AKAP13: variants seen among roughly 807,000 people sequenced by gnomAD.
The protein encoded by AKAP13 is A-kinase anchor protein 13.
AKAP13 carries 80 observed loss-of-function variants against 264.5 expected under a neutral mutation model. The ratio of observed to expected loss-of-function variants is 0.30; its 90% CI spans 0.25 to 0.36. The LOEUF (loss-of-function observed/expected upper bound fraction) is 0.36, where lower values mean the gene tolerates loss of function less well. AKAP13 is among the 10% of genes least tolerant of loss of function. The pLI, the probability that AKAP13 is intolerant of heterozygous loss-of-function variation, is 1.00. For synonymous variants in AKAP13, 1,380 were observed against 1,250.2 expected (o/e 1.10, Z -2.19); for missense variants, 3,712 against 3,435.2 (o/e 1.08, Z -2.01).
chr15:85,634,896 A>G (rs1417392010), intron 8 of AKAP13, among the ~76,000 whole-genome samples: 1 of 148,956 alleles, frequency 6.7e-6, no homozygotes, highest in Non-Finnish European at 1.5e-5. Context: ...TGTTGTTTGT[A>G]TCAGCAGTTC....
chr15:85,703,286 TA>T (rs1342004747), intron 17 of AKAP13, among the ~76,000 whole-genome samples: 2 of 152,180 alleles, frequency 1.3e-5, no homozygotes, highest in Non-Finnish European at 2.9e-5. Flanking sequence ...AAAAGGAAGG[TA>T]AAAAAAGACC....
At position 85,509,705 on chromosome 15, in the gene AKAP13, G is replaced by A. The variant is rs759032670; in HGVS notation, c.34-11723G>A. 1.8e-4 allele frequency among the ~76,000 whole-genome samples: 27 copies of A among 152,222 alleles called. 1 individual carries two copies. Among genetic ancestry groups the A allele is most frequent in the South Asian group, 6.2e-4 (3 of 4,812 alleles). On this transcript the variant is annotated intron_variant, in intron 2 of 36. Coordinates refer to ENST00000394518, the MANE Select transcript of AKAP13 (RefSeq NM_007200.5). ...GATATTCTCCTTTTGAATGAATTCC[G>A]ATGTAAGGAAGGCCAAGGGATAGCA...
chr15:85,528,271 A>C (rs1396638498), intron 3 of AKAP13, among the ~76,000 whole-genome samples: 1 of 152,194 alleles, frequency 6.6e-6, no homozygotes, highest in Admixed American at 6.5e-5. Flanking sequence ...GAGGGTCATC[A>C]GTAGTTAAGT....
intron 33 of AKAP13, among the ~76,000 whole-genome samples, 168 bp from the exon 34 acceptor site, chr15:85,740,054 T>C (rs373684104): frequency 5.9e-5 from 9 of 152,336 alleles, no homozygotes; most frequent in African/African-American, 2.2e-4. Flanking sequence ...TCTTGGCTGC[T>C]GGTGCTCACT....
intron 13 of AKAP13, among the ~76,000 whole-genome samples, chr15:85,666,507 A>G (rs996028790): frequency 6.6e-6 from 1 of 152,058 alleles, no homozygotes; most frequent in African/African-American, 2.4e-5. Context: ...AATTCTTAAG[A>G]GAGCATCTAT....
In AKAP13 at chr15:85,665,296, G is replaced by C. The variant is rs989420716; in HGVS notation, c.4992+541G>C. Among the ~76,000 whole-genome samples the C allele has an allele frequency of 2.0e-5, 3 of 152,188 alleles. No homozygotes were observed. In the East Asian group the frequency reaches 5.8e-4, roughly 29 times the overall value. ...CTTTTTAAAATTAGGAAAGTATCCA[G>C]GATATTAAATTGAGTTTTTCCTTCT... On this transcript the variant is annotated intron_variant, in intron 13 of 36. Coordinates refer to ENST00000394518, the MANE Select transcript of AKAP13 (RefSeq NM_007200.5).
intron 3 of AKAP13, among the ~76,000 whole-genome samples, chr15:85,527,124 G>A (rs1226819064): frequency 3.3e-5 from 5 of 151,978 alleles, no homozygotes; most frequent in South Asian, 2.1e-4. Context: ...CACCACGCCC[G>A]GCTAAGTTTT....
At chr15:85,460,875 G>A (rs943444510) in intron 1 of AKAP13, among the ~76,000 whole-genome samples, 2 of 152,076 alleles carry the variant, frequency 1.3e-5, no homozygotes, top group African/African-American at 4.8e-5. Flanking sequence ...AAGGAATGTA[G>A]CTCAGATGGC....
In AKAP13 at chr15:85,744,849, G is replaced by A. The variant is rs2089321172; in HGVS notation, c.*172G>A. ...AAGCAACAGATGATATTGAGTGTCG[G>A]GTGGGGAAGGAGGCCCAGACTCTGC... On this transcript the variant is annotated 3_prime_UTR_variant, in exon 37 of 37. Coordinates refer to ENST00000394518, the MANE Select transcript of AKAP13 (RefSeq NM_007200.5). 1 of 559,610 alleles carries A rather than the reference G, an allele frequency of 1.8e-6. No individual in the cohort carries two copies. The highest frequency in any genetic ancestry group is 3.3e-5 in the East Asian group (1 of 30,636). The allele number at this position is 559,610 out of a possible 1,614,324, so 34.7% of individuals were successfully genotyped here. A position where few individuals can be genotyped will look rare whatever the true frequency, so the allele number is the denominator to read the frequency against.
intron 12 of AKAP13, 90 bp downstream of exon 12, chr15:85,658,680 C>A: frequency 8.6e-7 from 1 of 1,164,500 alleles, no homozygotes; most frequent in Non-Finnish European, 1.2e-6. Context: ...ATGATTGGAT[C>A]ATCTACTTTT....
chr15:85,575,655 G>A, intron 6 of AKAP13, among the ~76,000 whole-genome samples: 1 of 151,978 alleles, frequency 6.6e-6, no homozygotes, highest in East Asian at 1.9e-4. Flanking sequence ...TCACGCCATT[G>A]CACTCTAGCC....
chr15:85,726,921 A>G (rs899898612), intron 27 of AKAP13, 145 bp from the exon 28 acceptor site: 17 of 796,020 alleles, frequency 2.1e-5, no homozygotes, highest in Non-Finnish European at 4.0e-6. Flanking sequence ...AAATAAGGAG[A>G]TACTTCTCTT....
chr15:85,622,024 C>T (rs936130897), intron 8 of AKAP13, among the ~76,000 whole-genome samples: 28 of 152,062 alleles, frequency 1.8e-4, no homozygotes, highest in Admixed American at 1.3e-4. Flanking sequence ...AAGATGGGGA[C>T]GTTTGGTGTT....
Position 85,493,996 on chromosome 15 carries a change from G to T in AKAP13, c.33+8243G>T, listed in dbSNP as rs149300899. On this transcript the variant is annotated intron_variant, in intron 2 of 36. Coordinates refer to ENST00000394518, the MANE Select transcript of AKAP13 (RefSeq NM_007200.5). ...TTAGCCCTTTCACCTATATTCAAGG[G>T]TACACCTTGCGCAGAACAAGGGTAC... is the stretch of plus-strand genomic sequence containing the variant. Among the ~76,000 whole-genome samples the T allele has an allele frequency of 7.3e-3, 1,110 of 152,194 alleles. 9 individuals carry two copies. Among genetic ancestry groups the T allele is most frequent in the Non-Finnish European group, 0.013 (869 of 68,006 alleles).
rs979445321 is a variant in AKAP13 at position 85,579,048 on chromosome 15, C to T, written c.980C>T (p.Pro327Leu). Residue 327 changes from proline to leucine, a missense_variant, in exon 7 of 37, where the codon CCT becomes CTT. This residue lies in a region of AKAP13 where 2,759 missense variants were observed against 2,411.7 expected (regional missense o/e 1.14). Transcript: ENST00000394518. The part of the protein sequence containing the change: ...FLPCAPEPTD[P>L]QRLSSSEETE... ...CCCTGTGCACCGGAGCCCACGGACC[C>T]TCAGCGACTTTCTTCTTCTGAAGAG... 2 of 1,614,064 alleles carry T rather than the reference C, an allele frequency of 1.2e-6. No homozygotes were observed. The highest frequency in any genetic ancestry group is 1.7e-6 in the Non-Finnish European group (2 of 1,180,046).
intron 32 of AKAP13, 40 bp from the exon 33 acceptor site, chr15:85,736,050 A>C: frequency 6.8e-7 from 1 of 1,480,512 alleles, no homozygotes; most frequent in Non-Finnish European, 9.4e-7. Context: ...TTTTGCATCA[A>C]GATCTTCATT....
At chr15:85,498,627 G>C (rs1478423892) in intron 2 of AKAP13, among the ~76,000 whole-genome samples, 1 of 151,428 alleles carries the variant, frequency 6.6e-6, no homozygotes, top group Non-Finnish European at 1.5e-5. Flanking sequence ...TACATTTAGA[G>C]GTTGTCTTTG....
At chr15:85,382,197 T>C (rs1359721351) in intron 1 of AKAP13, 1 of 152,240 alleles carries the variant, frequency 6.6e-6, no homozygotes, top group Admixed American at 6.5e-5. Flanking sequence ...TATTGTTAAC[T>C]TCAGTTGTAT....
At chr15:85,673,899 G>C (rs1235330182) in intron 14 of AKAP13, among the ~76,000 whole-genome samples, 1 of 151,340 alleles carries the variant, frequency 6.6e-6, no homozygotes, top group Non-Finnish European at 1.5e-5. Flanking sequence ...TACCATGTTA[G>C]CCAGAATGGT....
Sources: gnomAD v4.1 joint callset for allele counts (sites outside exome capture counted in the v4.1 genomes callset) on GRCh38, gnomAD v4.1.1 for gene constraint, gnomAD v4.1.1 regional missense constraint, MANE v1.5 for transcripts, NCBI Gene and HGNC (gene_info 2026-07-23, HGNC 2026-07-21) for gene names.